CRTAM: variants seen among roughly 807,000 people sequenced by gnomAD.
CRTAM encodes cytotoxic and regulatory T-cell molecule.
CRTAM carries 44 observed loss-of-function variants against 50.0 expected under a neutral mutation model. The observed-to-expected ratio is 0.88, with a 90% CI of 0.69 to 1.13. The LOEUF (loss-of-function observed/expected upper bound fraction) is 1.13, where lower values mean the gene tolerates loss of function less well. CRTAM is among the 50% of genes most tolerant of loss of function. The pLI is 0.00. For missense variants in CRTAM, 448 were observed against 457.5 expected, an observed-to-expected ratio of 0.98 and a Z score of 0.19; for synonymous variants, 159 against 169.3, an observed-to-expected ratio of 0.94 and a Z score of 0.47.
intron 5 of CRTAM, among the ~76,000 whole-genome samples, chr11:122,860,682 A>G (rs1259041170): frequency 1.3e-5 from 2 of 152,158 alleles, no homozygotes; most frequent in Non-Finnish European, 2.9e-5. Context: ...ATTTTATTCT[A>G]TATGTCCCCA....
chr11:122,856,087 C>T (rs117836787), intron 5 of CRTAM, among the ~76,000 whole-genome samples: 193 of 152,288 alleles, frequency 1.3e-3, no homozygotes, highest in Non-Finnish European at 4.0e-4. Context: ...AGCACAGCGC[C>T]ATATGCAAAT....
At chr11:122,866,363 A>G (rs1293070852) in intron 7 of CRTAM, among the ~76,000 whole-genome samples, 1 of 152,048 alleles carries the variant, frequency 6.6e-6, no homozygotes, top group Non-Finnish European at 1.5e-5. Flanking sequence ...ACCCCTGAAC[A>G]CACTATGATA....
chr11:122,839,616 G>T (rs1342844437), intron 1 of CRTAM, among the ~76,000 whole-genome samples: 2 of 152,174 alleles, frequency 1.3e-5, no homozygotes, highest in Non-Finnish European at 2.9e-5. Context: ...ACCCAAAAGT[G>T]GGGGCAGGGG....
intron 8 of CRTAM, 50 bp from the exon 9 acceptor site, chr11:122,867,963 T>A: frequency 9.0e-7 from 1 of 1,106,208 alleles, no homozygotes; most frequent in South Asian, 1.3e-5. Context: ...TATACATTTC[T>A]ACATGTCCAT....
At chr11:122,864,182 T>C (rs1862138201) in intron 6 of CRTAM, among the ~76,000 whole-genome samples, 1 of 152,210 alleles carries the variant, frequency 6.6e-6, no homozygotes, top group South Asian at 2.1e-4. Flanking sequence ...TCAGTTGTTA[T>C]CTTGAAGCAT....
At chr11:122,862,576 A>T in intron 6 of CRTAM, 32 bp downstream of exon 6, 2 of 1,326,010 alleles carry the variant, frequency 1.5e-6, no homozygotes, top group African/African-American at 1.5e-5. Context: ...ACTTGTTTTT[A>T]AAAAATCACG....
chr11:122,841,863 G>C (rs117532297), intron 1 of CRTAM, among the ~76,000 whole-genome samples: 1 of 152,286 alleles, frequency 6.6e-6, no homozygotes, highest in Non-Finnish European at 1.5e-5. Flanking sequence ...TGCTGTAATA[G>C]AAGTATATCT....
chr11:122,846,271 G>T (rs1299027490), intron 1 of CRTAM, among the ~76,000 whole-genome samples: 1 of 152,098 alleles, frequency 6.6e-6, no homozygotes, highest in Non-Finnish European at 1.5e-5. Context: ...CAATTTATGT[G>T]ATGAAGAGAA....
intron 2 of CRTAM, 140 bp downstream of exon 2, chr11:122,850,354 C>CAT: frequency 1.3e-6 from 1 of 757,298 alleles, no homozygotes; most frequent in Non-Finnish European, 2.0e-6. Flanking sequence ...ACATGAATCA[C>CAT]GCCTCCAAAT....
At chr11:122,863,307 A>AG (rs1565292663) in intron 6 of CRTAM, among the ~76,000 whole-genome samples, 18 of 137,734 alleles carry the variant, frequency 1.3e-4, no homozygotes, top group African/African-American at 4.8e-4. Context: ...AGAGAGAAAG[A>AG]AAAGAAAGAA....
chr11:122,863,319 G>GA (rs757331020), intron 6 of CRTAM, among the ~76,000 whole-genome samples: 44 of 94,358 alleles, frequency 4.7e-4, no homozygotes, highest in Non-Finnish European at 8.1e-4. Context: ...AAGAAAGAAA[G>GA]AAAAAGAAAG....
intron 5 of CRTAM, among the ~76,000 whole-genome samples, chr11:122,860,693 G>T (rs1565291455): frequency 6.6e-6 from 1 of 152,094 alleles, no homozygotes. Context: ...TATGTCCCCA[G>T]TGATGTCCTT....
chr11:122,869,088 T>G (rs1454291016), intron 9 of CRTAM, among the ~76,000 whole-genome samples: 1 of 152,150 alleles, frequency 6.6e-6, no homozygotes, highest in Non-Finnish European at 1.5e-5. Context: ...GTCTCCTAAA[T>G]CATCCTGTAG....
intron 5 of CRTAM, among the ~76,000 whole-genome samples, chr11:122,860,297 G>A (rs1481779615): frequency 1.3e-5 from 2 of 152,064 alleles, no homozygotes; most frequent in African/African-American, 2.4e-5. Flanking sequence ...TGATCTGCCC[G>A]CCTTCACCTT....
chr11:122,864,536 C>T, intron 6 of CRTAM, 100 bp from the exon 7 acceptor site: 3 of 732,678 alleles, frequency 4.1e-6, no homozygotes, highest in African/African-American at 1.8e-5. Flanking sequence ...TTAAATTTGG[C>T]TTCCCAAGCT....
At chr11:122,850,725 G>A (rs368157145) in intron 2 of CRTAM, among the ~76,000 whole-genome samples, 21 of 152,288 alleles carry the variant, frequency 1.4e-4, no homozygotes, top group South Asian at 8.3e-4. Context: ...AAATAGACAG[G>A]ATGTATTAAT....
At chr11:122,862,783 C>T (rs990372593) in intron 6 of CRTAM, among the ~76,000 whole-genome samples, 3 of 152,124 alleles carry the variant, frequency 2.0e-5, no homozygotes, top group African/African-American at 7.2e-5. Context: ...TTCTAGTTTG[C>T]CTGAGATAGA....
At chr11:122,863,472 G>A (rs965615361) in intron 6 of CRTAM, among the ~76,000 whole-genome samples, 4 of 152,146 alleles carry the variant, frequency 2.6e-5, no homozygotes. Context: ...TTCATGTAAT[G>A]TGTCAATAAT....
intron 5 of CRTAM, among the ~76,000 whole-genome samples, chr11:122,856,368 T>G (rs1041022970): frequency 6.6e-6 from 1 of 152,258 alleles, no homozygotes; most frequent in African/African-American, 2.4e-5. Context: ...GAACACCATT[T>G]TAAACATCCA....
Sources: gnomAD v4.1 joint callset for allele counts (sites outside exome capture counted in the v4.1 genomes callset) on GRCh38, gnomAD v4.1.1 for gene constraint, MANE v1.5 for transcripts, NCBI Gene and HGNC (gene_info 2026-07-23, HGNC 2026-07-21) for gene names.